Variants in POLR2F observed in about 807,000 individuals in gnomAD.
POLR2F encodes the protein DNA-directed RNA polymerases I, II, and III subunit RPABC2.
Under a neutral mutation model 22.7 loss-of-function variants are expected in POLR2F, and 12 were observed. The ratio of observed to expected loss-of-function variants is 0.53; its 90% CI spans 0.34 to 0.86. POLR2F has a LOEUF of 0.86. Ranked by LOEUF, POLR2F falls within the 40% of genes least tolerant of loss-of-function variation. POLR2F has a pLI of 0.02. For missense variants in POLR2F, 126 were observed against 171.5 expected (o/e 0.73, Z 1.48); for synonymous variants, 57 against 66.0 (o/e 0.86, Z 0.66).
At chr22:38,018,765 T>C (rs1223896172) in intron 1 of POLR2F, among the ~76,000 whole-genome samples, 2 of 152,118 alleles carry the variant, frequency 1.3e-5, no homozygotes, top group South Asian at 2.1e-4. Context: ...GATGTGCTGG[T>C]AGGTTCAGCA....
At chr22:37,998,161 C>T (rs781479565) in intron 1 of POLR2F, among the ~76,000 whole-genome samples, 2 of 152,004 alleles carry the variant, frequency 1.3e-5, no homozygotes, top group Non-Finnish European at 2.9e-5. Context: ...CGCCTCTGGT[C>T]GATTGGGGGT....
chr22:38,028,437 G>T (rs1419507434), downstream of POLR2F, among the ~76,000 whole-genome samples: 2 of 152,156 alleles, frequency 1.3e-5, no homozygotes, highest in Non-Finnish European at 2.9e-5. Flanking sequence ...AGTGCAGGGT[G>T]ACTGATACGG....
In POLR2F at chr22:37,997,011, C is replaced by T. The variant is rs2084721268; in HGVS notation, c.120+10699C>T. Among the ~76,000 whole-genome samples the T allele has an allele frequency of 6.6e-6, 1 of 152,152 alleles. No individual in the cohort carries two copies. Among genetic ancestry groups the T allele is most frequent in the African/African-American group, 2.4e-5 (1 of 41,428 alleles). On this transcript the variant is annotated intron_variant, in intron 1 of 2. Transcript: ENST00000333418. This position sits in a 1 kb window ranked among gnomAD's most constrained non-coding sequence, Gnocchi z 4.4. The stretch of plus-strand genomic sequence containing the variant: ...TGTGTCCTACTCGGGAAGGCAAGGG[C>T]TGCAGTGGCTGGCTGCATCCTCTGG...
At chr22:38,029,478 C>G (rs1416789056), downstream of POLR2F, among the ~76,000 whole-genome samples, 1 of 152,128 alleles carries the variant, frequency 6.6e-6, no homozygotes, top group Non-Finnish European at 1.5e-5. Flanking sequence ...GCCATGAGTG[C>G]AATGATCAGT....
At position 37,978,744 on chromosome 22, in the gene POLR2F, G is replaced by A. The variant is rs1040608432; in HGVS notation, c.293+11574G>A. On this transcript the variant is annotated intron_variant, in intron 4 of 4. Transcript: ENST00000405557. This position sits in a 1 kb window ranked among gnomAD's most constrained non-coding sequence, Gnocchi z 5.0. ...GCCTTGCACCAGGGCCTGGGAAGCG[G>A]GCTGAGCACCTTGAGGAAGAGGTGC... 6.6e-6 allele frequency among the ~76,000 whole-genome samples: 1 copy of A among 152,118 alleles called. No individual in the cohort carries two copies. Among genetic ancestry groups the A allele is most frequent in the Admixed American group, 6.5e-5 (1 of 15,268 alleles).
intron 2 of POLR2F, chr22:37,958,334 G>A (rs559746281): frequency 1.3e-5 from 2 of 151,144 alleles, no homozygotes; most frequent in East Asian, 1.9e-4. Flanking sequence ...GACTACAGGC[G>A]CCCACCACCA....
upstream of POLR2F, among the ~76,000 whole-genome samples, chr22:37,981,979 C>A (rs1332844387): frequency 2.6e-5 from 4 of 152,188 alleles, no homozygotes; most frequent in Admixed American, 1.3e-4. Context: ...TCTTGGAGAT[C>A]CTCCTGCACC....
At chr22:38,008,389 C>T (rs570486680) in intron 1 of POLR2F, among the ~76,000 whole-genome samples, 1 of 148,976 alleles carries the variant, frequency 6.7e-6, no homozygotes, top group African/African-American at 2.5e-5. Flanking sequence ...GTCTCTACTA[C>T]AAAAAATTAG....
chr22:37,973,602 G>C, downstream of POLR2F: 3 of 1,613,340 alleles, frequency 1.9e-6, no homozygotes, highest in Non-Finnish European at 2.5e-6. Context: ...AGGGGCCGCT[G>C]CGAGGGCCCC....
intron 1 of POLR2F, among the ~76,000 whole-genome samples, chr22:37,999,065 T>A (rs2084745150): frequency 6.6e-6 from 1 of 151,904 alleles, no homozygotes; most frequent in Admixed American, 6.5e-5. Flanking sequence ...TCTTCCCTCA[T>A]TCCCAGACGG....
intron 1 of POLR2F, among the ~76,000 whole-genome samples, chr22:38,008,146 A>G (rs1025417908): frequency 6.6e-6 from 1 of 152,206 alleles, no homozygotes; most frequent in Non-Finnish European, 1.5e-5. Flanking sequence ...AGACTGAGGC[A>G]GGAGAATCAC....
chr22:37,994,256 A>G (rs1601895454), intron 1 of POLR2F, among the ~76,000 whole-genome samples: 1 of 152,118 alleles, frequency 6.6e-6, no homozygotes, highest in South Asian at 2.1e-4. Context: ...CAGGAAGTAT[A>G]ATATCTGCTA....
intron 3 of POLR2F, among the ~76,000 whole-genome samples, chr22:37,965,686 TA>T (rs1442746598): frequency 2.0e-5 from 3 of 152,104 alleles, no homozygotes; most frequent in African/African-American, 7.2e-5. Flanking sequence ...CTTTTGGGAG[TA>T]ATATAAATCG....
chr22:37,960,553 G>A (rs569247497), intron 3 of POLR2F, among the ~76,000 whole-genome samples: 2 of 151,060 alleles, frequency 1.3e-5, no homozygotes, highest in Non-Finnish European at 3.0e-5. Context: ...GCCCGCCACC[G>A]TGCCCAGCTA....
At chr22:38,014,964 C>T (rs529044465) in intron 1 of POLR2F, among the ~76,000 whole-genome samples, 79 of 151,742 alleles carry the variant, frequency 5.2e-4, no homozygotes, top group African/African-American at 1.6e-3. Context: ...TCCGCCACCA[C>T]GCCCGGCTAA....
intron 1 of POLR2F, among the ~76,000 whole-genome samples, chr22:38,018,594 T>G (rs2084934211): frequency 6.6e-6 from 1 of 151,908 alleles, no homozygotes; most frequent in South Asian, 2.1e-4. Context: ...TGGGCTGGGG[T>G]CAGGACTCCG....
chr22:38,019,186 A>G (rs1282210736), intron 1 of POLR2F, among the ~76,000 whole-genome samples: 1 of 151,950 alleles, frequency 6.6e-6, no homozygotes, highest in African/African-American at 2.4e-5. Flanking sequence ...GACTTGACAC[A>G]TGTTTGGGGC....
Position 37,998,641 on chromosome 22 carries a change from G to T in POLR2F, c.120+12329G>T, listed in dbSNP as rs552615770. On this transcript the variant is annotated intron_variant, in intron 1 of 2. Transcript: ENST00000333418. The stretch of plus-strand genomic sequence containing the variant: ...TACTGCTGGCCCTGTGGCCCTGGGC[G>T]TGGGATGTGCAGAGGACCGGCCAGG... Among the ~76,000 whole-genome samples the T allele has an allele frequency of 2.6e-5, 4 of 152,318 alleles. No individual in the cohort carries two copies. In the South Asian group the frequency reaches 6.2e-4, roughly 24 times the overall value.
At chr22:38,037,418 T>G (rs941170996) in intron 5 of POLR2F, among the ~76,000 whole-genome samples, 13 of 144,658 alleles carry the variant, frequency 9.0e-5, no homozygotes, top group Non-Finnish European at 1.7e-4. Flanking sequence ...GGACTACAGG[T>G]GCACACCACC....
Sources: gnomAD v4.1 joint callset for allele counts (sites outside exome capture counted in the v4.1 genomes callset) on GRCh38, gnomAD v4.1.1 for gene constraint, Gnocchi (gnomAD v3.1) non-coding constraint, MANE v1.5 for transcripts, NCBI Gene and HGNC (gene_info 2026-07-23, HGNC 2026-07-21) for gene names.